Variants in FRMD5 observed in about 807,000 individuals in gnomAD.
The protein encoded by FRMD5 is FERM domain containing 5, also known as FERM domain-containing protein 5.
FRMD5 carries 20 observed loss-of-function variants against 69.0 expected under a neutral mutation model. The ratio of observed to expected loss-of-function variants is 0.29; its 90% CI spans 0.20 to 0.42. The LOEUF (loss-of-function observed/expected upper bound fraction) is 0.42. Ranked by LOEUF, FRMD5 falls within the 10% of genes least tolerant of loss-of-function variation. The pLI is 1.00. For missense variants in FRMD5, 595 were observed against 708.6 expected, an observed-to-expected ratio of 0.84 and a Z score of 1.82; for synonymous variants, 271 against 260.1, an observed-to-expected ratio of 1.04 and a Z score of -0.40.
At chr15:43,905,680 GACAA>G in intron 6 of FRMD5, 144 bp downstream of exon 6, 3 of 982,894 alleles carry the variant, frequency 3.1e-6, no homozygotes, top group Admixed American at 2.3e-5. Context: ...GTGTATCACT[GACAA>G]TGGTACATCC....
intron 1 of FRMD5, among the ~76,000 whole-genome samples, chr15:44,161,322 C>T (rs2077613377): frequency 6.6e-6 from 1 of 152,140 alleles, no homozygotes. Flanking sequence ...AAGTGTCCTG[C>T]CTGCACCTCT....
At chr15:43,938,812 T>C in intron 1 of FRMD5, among the ~76,000 whole-genome samples, 1 of 152,166 alleles carries the variant, frequency 6.6e-6, no homozygotes, top group Admixed American at 6.5e-5. Flanking sequence ...AAAGCCAGAT[T>C]TCTTTTTAGA....
chr15:44,087,808 T>G (rs189155052), intron 1 of FRMD5, among the ~76,000 whole-genome samples: 21 of 151,948 alleles, frequency 1.4e-4, no homozygotes, highest in Admixed American at 3.9e-4. Flanking sequence ...GAAGAAGGAG[T>G]AAATTGCATT....
At position 43,935,053 on chromosome 15, in the gene FRMD5, G is replaced by A. The variant is rs566762289; in HGVS notation, c.103-10744C>T. ...TAACCAGAGGCAGAGCCTCTGAAAC[G>A]TGGCTGAGGCAGAAGCTGCGGATGT... On this transcript the variant is annotated intron_variant, in intron 1 of 13. Coordinates refer to ENST00000417257, the MANE Select transcript of FRMD5 (RefSeq NM_032892.5). Among the ~76,000 whole-genome samples, 76 of 152,356 alleles carry A rather than the reference G, an allele frequency of 5.0e-4. No individual in the cohort carries two copies. The South Asian group carries it at 0.014, about 29-fold the overall frequency.
intron 1 of FRMD5, among the ~76,000 whole-genome samples, chr15:44,092,262 T>C (rs2076483780): frequency 6.6e-6 from 1 of 152,162 alleles, no homozygotes; most frequent in Non-Finnish European, 1.5e-5. Flanking sequence ...CTTTCTGTTC[T>C]AGCTCAGCTC....
At chr15:44,099,783 C>T (rs1400992342) in intron 1 of FRMD5, among the ~76,000 whole-genome samples, 1 of 152,150 alleles carries the variant, frequency 6.6e-6, no homozygotes, top group East Asian at 1.9e-4. Context: ...GAGGCAGCCA[C>T]AACACTATCT....
rs144302005 is a variant in FRMD5, at chr15:44,161,008, C to T, written c.102+33945G>A. 7.2e-5 allele frequency among the ~76,000 whole-genome samples: 11 copies of T among 152,240 alleles called. No individual in the cohort carries two copies. The East Asian group carries it at 2.1e-3, about 29-fold the overall frequency. ...AGGCAGGTAATTCACTAAATAGCAC[C>T]CTCGTGGCACAAAAGAGTAAATACA... On this transcript the variant is annotated intron_variant, in intron 1 of 13. Transcript: ENST00000417257.
chr15:43,905,446 C>G (rs2140407720), intron 6 of FRMD5, among the ~76,000 whole-genome samples: 1 of 151,700 alleles, frequency 6.6e-6, no homozygotes, highest in South Asian at 2.1e-4. Flanking sequence ...CTTTTTCTTT[C>G]ATCTTTTTTA....
chr15:43,984,721 C>T (rs920938265), intron 1 of FRMD5, among the ~76,000 whole-genome samples: 5 of 152,178 alleles, frequency 3.3e-5, no homozygotes, highest in Non-Finnish European at 5.9e-5. Context: ...CAGTGGCTCA[C>T]GCCTGTAATC....
chr15:43,988,729 G>A (rs112159895), intron 1 of FRMD5, among the ~76,000 whole-genome samples: 6,420 of 152,224 alleles, frequency 0.042, 204 homozygotes, highest in Middle Eastern at 0.065. Context: ...GTGTGGACAC[G>A]GGAGAGGACT....
intron 1 of FRMD5, among the ~76,000 whole-genome samples, chr15:44,035,595 A>T (rs1390687765): frequency 2.0e-5 from 3 of 152,200 alleles, no homozygotes; most frequent in African/African-American, 7.2e-5. Flanking sequence ...CTTGGCCAAA[A>T]AATGCCTGTT....
chr15:44,023,521 T>A (rs1891303621), intron 1 of FRMD5, among the ~76,000 whole-genome samples: 1 of 152,164 alleles, frequency 6.6e-6, no homozygotes, highest in African/African-American at 2.4e-5. Flanking sequence ...CCTGTTTTAG[T>A]ACAAAACCTT....
rs149191088 is a variant in FRMD5, at chr15:43,874,607, A to G, written c.1136-145T>C. The G allele has an allele frequency of 5.5e-3, 3,516 of 643,454 alleles. 99 individuals carry two copies. The East Asian group carries it at 0.075, about 14-fold the overall frequency. 39.9% of individuals were successfully genotyped at this position (643,454 alleles called of 1,614,324 possible). On this transcript the variant is annotated intron_variant, in intron 13 of 13. Coordinates refer to ENST00000417257, the MANE Select transcript of FRMD5 (RefSeq NM_032892.5). ...CACTGCACTCTATTTTGATATATCGAGAAGACGACAGGCCGGGTATGGTGG... is the reference window on the plus strand; with the variant it reads ...CACTGCACTCTATTTTGATATATCGGGAAGACGACAGGCCGGGTATGGTGG...
At chr15:43,875,362 A>AT (rs1466465948) in intron 13 of FRMD5, among the ~76,000 whole-genome samples, 204 of 106,390 alleles carry the variant, frequency 1.9e-3, no homozygotes, top group African/African-American at 6.5e-3. Context: ...AAAAAAAAAA[A>AT]AATATATATA....
chr15:44,013,928 C>T (rs1043664078), intron 1 of FRMD5, among the ~76,000 whole-genome samples: 2 of 148,164 alleles, frequency 1.3e-5, no homozygotes, highest in African/African-American at 2.5e-5. Flanking sequence ...GCGATCTCAG[C>T]TCACTGCAAG....
chr15:44,167,633 AG>A (rs1266777378), intron 1 of FRMD5, among the ~76,000 whole-genome samples: 2 of 151,726 alleles, frequency 1.3e-5, no homozygotes, highest in Non-Finnish European at 2.9e-5. Flanking sequence ...TCTGTTGCCC[AG>A]GCTGGAGTGC....
At chr15:43,899,710 C>T (rs539303889) in intron 7 of FRMD5, among the ~76,000 whole-genome samples, 17 of 152,306 alleles carry the variant, frequency 1.1e-4, no homozygotes, top group African/African-American at 3.9e-4. Context: ...ACATAAGTGA[C>T]TGGGTGGCAA....
At chr15:44,051,162 T>TC (rs1892648024) in intron 1 of FRMD5, among the ~76,000 whole-genome samples, 1 of 130,554 alleles carries the variant, frequency 7.7e-6, no homozygotes, top group Non-Finnish European at 1.6e-5. Flanking sequence ...TTTTTTTTTT[T>TC]TTTTTTTGAG....
chr15:44,086,769 T>C (rs1364988112), intron 1 of FRMD5, among the ~76,000 whole-genome samples: 2 of 152,178 alleles, frequency 1.3e-5, no homozygotes, highest in African/African-American at 4.8e-5. Context: ...AGTACTTCCA[T>C]GGATGGAGAT....
Sources: allele counts gnomAD v4.1 joint callset (sites outside exome capture counted in the v4.1 genomes callset), GRCh38; gene constraint gnomAD v4.1.1; transcripts MANE v1.5; gene names NCBI Gene and HGNC (gene_info 2026-07-23, HGNC 2026-07-21).